Variants in PIK3R4 observed in about 807,000 individuals in gnomAD.
PIK3R4 encodes the protein phosphoinositide-3-kinase regulatory subunit 4, also known as phosphoinositide 3-kinase regulatory subunit 4.
PIK3R4 carries 46 observed loss-of-function variants against 136.5 expected under a neutral mutation model. The observed-to-expected ratio is 0.34, with a 90% CI of 0.27 to 0.43. The LOEUF (loss-of-function observed/expected upper bound fraction) is 0.43. Among genes scored for constraint, PIK3R4 ranks in the 20% least tolerant of loss-of-function variants. The probability of loss-of-function intolerance (pLI) is 1.00; values close to 1 mark genes in which losing one functional copy is unlikely to be tolerated. For synonymous variants in PIK3R4, 557 were observed against 566.7 expected (o/e 0.98, Z 0.24); for missense variants, 1,331 against 1,649.5 (o/e 0.81, Z 3.35).
At chr3:130,720,096 A>G (rs1169755249) in intron 7 of PIK3R4, among the ~76,000 whole-genome samples, 1 of 152,208 alleles carries the variant, frequency 6.6e-6, no homozygotes, top group Non-Finnish European at 1.5e-5. Context: ...CAGCATTATT[A>G]TATCATTAAG....
intron 13 of PIK3R4, among the ~76,000 whole-genome samples, chr3:130,695,655 G>A (rs1226803983): frequency 6.6e-6 from 1 of 152,092 alleles, no homozygotes; most frequent in East Asian, 1.9e-4. Context: ...GAGAGATAGA[G>A]ACTCTATTCA....
rs1214687618 is a variant in PIK3R4, at chr3:130,680,665, G to C, written c.3854C>G (p.Ser1285Cys). 1.2e-6 allele frequency: 2 copies of C among 1,613,198 alleles called. No homozygotes were observed. The highest frequency in any genetic ancestry group is 1.7e-6 in the Non-Finnish European group (2 of 1,179,352). ...TTTCCTGTAGTAGGACACAGATGGG[G>C]AACTAGTACTTCCTGCAACAACATA... ...RSYVVAGSTS[S>C]PSVSYYRKII... Residue 1285 changes from serine (S) to cysteine (C), a missense_variant, in exon 19 of 20, where the codon TCC becomes TGC. By Grantham distance (112) the Ser-to-Cys change is moderately radical (BLOSUM62 -1). Transcript: ENST00000356763.
chr3:130,684,225 C>T, intron 16 of PIK3R4, 25 bp downstream of exon 16: 2 of 1,603,734 alleles, frequency 1.2e-6, no homozygotes, highest in Non-Finnish European at 1.7e-6. Context: ...TCTCCCAACA[C>T]ATGAAAGCCA....
intron 7 of PIK3R4, among the ~76,000 whole-genome samples, chr3:130,721,147 A>G (rs964452210): frequency 2.0e-5 from 3 of 151,802 alleles, no homozygotes; most frequent in African/African-American, 7.3e-5. Flanking sequence ...CATCCTGGCT[A>G]ACACGGTGAA....
chr3:130,690,855 A>G (rs1488072033), intron 13 of PIK3R4, among the ~76,000 whole-genome samples: 2 of 151,106 alleles, frequency 1.3e-5, no homozygotes, highest in African/African-American at 4.9e-5. Flanking sequence ...GGCCATCTGC[A>G]CACACTTCTC....
At position 130,718,477 on chromosome 3, in the gene PIK3R4, G is replaced by A; in HGVS notation, c.2039C>T (p.Thr680Ile). The A allele has an allele frequency of 6.2e-7, 1 of 1,613,788 alleles. No homozygotes were observed. The highest frequency in any genetic ancestry group is 8.5e-7 in the Non-Finnish European group (1 of 1,179,750). Residue 680 changes from threonine (T) to isoleucine (I), a missense_variant, in exon 8 of 20, where the codon ACA (threonine) becomes ATA (isoleucine). This residue lies in a region of PIK3R4 where 1,180 missense variants were observed against 1,407.0 expected (regional missense o/e 0.84). Coordinates refer to ENST00000356763, the MANE Select transcript of PIK3R4 (RefSeq NM_014602.3). The stretch of plus-strand genomic sequence containing the variant: ...TGTACTTATTTGACGAGCTACCACT[G>A]TGATAAATCCCACGGCACCATAACG... ...WIRYGAVGFI[T>I]VVARQISTAD...
At chr3:130,737,674 G>C (rs540256379) in intron 2 of PIK3R4, among the ~76,000 whole-genome samples, 27 of 152,088 alleles carry the variant, frequency 1.8e-4, no homozygotes, top group African/African-American at 5.3e-4. Context: ...AAAGAAAAGA[G>C]AAAGAAAAAG....
chr3:130,717,672 G>T (rs2066673389), intron 8 of PIK3R4, among the ~76,000 whole-genome samples: 1 of 152,188 alleles, frequency 6.6e-6, no homozygotes, highest in Non-Finnish European at 1.5e-5. Context: ...CCAAAGGGAA[G>T]GCACATTGAA....
In PIK3R4 at chr3:130,723,423, T is replaced by C. The variant is rs528445902; in HGVS notation, c.1972A>G (p.Ser658Gly). The C allele has an allele frequency of 2.5e-6, 4 of 1,600,202 alleles. No homozygotes were observed. Among genetic ancestry groups the C allele is most frequent in the Admixed American group, 3.5e-5 (2 of 56,872 alleles). ...AGAAACAGAAACTTACCAATATCAC[T>C]GGCAAATTCGTAAACATGGGGTTTT... ...LQKPHVYEFA[S>G]DIAPFLCHPN... Residue 658 changes from serine to glycine, a missense_variant, in exon 7 of 20, where the codon AGT becomes GGT. Transcript: ENST00000356763.
intron 10 of PIK3R4, among the ~76,000 whole-genome samples, chr3:130,707,367 C>G (rs1370866132): frequency 6.6e-6 from 1 of 152,082 alleles, no homozygotes; most frequent in African/African-American, 2.4e-5. Context: ...AATAATAAGA[C>G]CTAATTACTT....
At chr3:130,715,478 T>C (rs755467275) in intron 9 of PIK3R4, among the ~76,000 whole-genome samples, 9 of 152,142 alleles carry the variant, frequency 5.9e-5, no homozygotes, top group Non-Finnish European at 8.8e-5. Context: ...TGGTGTCTCA[T>C]TGTGGTTTTG....
In PIK3R4 at chr3:130,745,212, T is replaced by G; in HGVS notation, c.7A>C (p.Asn3His). ...GAGGGAGCAATGCCAGCAAGCTGAT[T>G]TCCCATAATGGCAAGCACCTCTGTG... MG[N>H]QLAGIAPSQI... The change falls in exon 2 of 20, where the codon AAT becomes CAT. Residue 3 changes from asparagine (N) to histidine (H), a missense_variant. Coordinates refer to ENST00000356763, the MANE Select transcript of PIK3R4 (RefSeq NM_014602.3). 6.3e-7 allele frequency: 1 copy of G among 1,597,184 alleles called. No individual in the cohort carries two copies. Among genetic ancestry groups the G allele is most frequent in the Non-Finnish European group, 8.5e-7 (1 of 1,176,492 alleles).
chr3:130,681,632 G>GAGTT lies in PIK3R4; in HGVS notation c.3608-45_3608-42dup, dbSNP rs774082357. ...GCCAGAATCTTGACTCAGACAAAAA[G>GAGTT]AGTTGGAGAAGATTACAACAAAACA... On this transcript the variant is annotated intron_variant, in intron 16 of 19. Coordinates refer to ENST00000356763, the MANE Select transcript of PIK3R4 (RefSeq NM_014602.3). 7 of 1,241,560 alleles carry GAGTT rather than the reference G, an allele frequency of 5.6e-6. No homozygotes were observed. In the African/African-American group the frequency reaches 9.0e-5, roughly 16 times the overall value. The allele number at this position is 1,241,560 out of a possible 1,614,324, so 76.9% of individuals were successfully genotyped here.
At chr3:130,727,384 C>T (rs1447532291) in intron 6 of PIK3R4, among the ~76,000 whole-genome samples, 1 of 152,170 alleles carries the variant, frequency 6.6e-6, no homozygotes, top group African/African-American at 2.4e-5. Flanking sequence ...CCACCGCGCC[C>T]GGCTGATTTT....
At chr3:130,729,689 A>T (rs2066751777) in intron 5 of PIK3R4, among the ~76,000 whole-genome samples, 1 of 152,234 alleles carries the variant, frequency 6.6e-6, no homozygotes. Flanking sequence ...TAACAATTGT[A>T]GTTGTTTGCA....
Position 130,718,459 on chromosome 3 carries a change from A to C in PIK3R4, c.2057T>G (p.Ile686Arg). 1 of 1,613,738 alleles carries C rather than the reference A, an allele frequency of 6.2e-7. No homozygotes were observed. The highest frequency in any genetic ancestry group is 8.5e-7 in the Non-Finnish European group (1 of 1,179,666). ...TTTACAGTAGACATCAGCTGTACTT[A>C]TTTGACGAGCTACCACTGTGATAAA... ...VGFITVVARQ[I>R]STADVYCKLM... The change falls in exon 8 of 20, where the codon ATA (isoleucine) becomes AGA (arginine). Residue 686 changes from isoleucine to arginine, a missense_variant. Ile to Arg is a moderately conservative substitution (Grantham distance 97). Around this residue, in one of 2 missense-constraint regions of PIK3R4, gnomAD observed 1,180 missense variants for 1,407.0 expected, o/e 0.84. Coordinates refer to ENST00000356763, the MANE Select transcript of PIK3R4 (RefSeq NM_014602.3).
intron 8 of PIK3R4, among the ~76,000 whole-genome samples, chr3:130,718,042 T>C (rs550983232): frequency 6.6e-6 from 1 of 152,290 alleles, no homozygotes; most frequent in East Asian, 1.9e-4. Context: ...CTGGATGCAA[T>C]CAGTTATACT....
chr3:130,712,498 G>A (rs935875500), intron 9 of PIK3R4, among the ~76,000 whole-genome samples: 3 of 151,798 alleles, frequency 2.0e-5, no homozygotes, highest in Non-Finnish European at 4.4e-5. Flanking sequence ...GAGAAACCCC[G>A]TCTCTACTAA....
In PIK3R4 at chr3:130,706,004, TA is replaced by T. The variant is rs1325239153; in HGVS notation, c.2722-234del. Among the ~76,000 whole-genome samples the T allele has an allele frequency of 9.9e-5, 15 of 152,154 alleles. No homozygotes were observed. In the South Asian group the frequency reaches 2.7e-3, roughly 27 times the overall value. ...TTATATAAATCCTACATTTTATATA[TA>T]AAAAAACTGATCAGCATGAAAATAA... On this transcript the variant is annotated intron_variant, in intron 11 of 19. Transcript: ENST00000356763.
Sources: gnomAD v4.1 joint callset for allele counts (sites outside exome capture counted in the v4.1 genomes callset) on GRCh38, gnomAD v4.1.1 for gene constraint, gnomAD v4.1.1 regional missense constraint, MANE v1.5 for transcripts, NCBI Gene and HGNC (gene_info 2026-07-23, HGNC 2026-07-21) for gene names.